The following PREX1 variants were observed in gnomAD, a reference collection of about 807,000 sequenced individuals.
The protein encoded by PREX1 is phosphatidylinositol-3,4,5-trisphosphate dependent Rac exchange factor 1.
A neutral mutation model predicts 198.3 loss-of-function variants in PREX1; 41 were observed. The observed-to-expected ratio is 0.21, with a 90% CI of 0.16 to 0.27. The LOEUF is 0.27. Ranked by LOEUF, PREX1 falls within the 10% of genes least tolerant of loss-of-function variation. PREX1 has a pLI of 1.00. For synonymous variants in PREX1, 843 were observed against 887.2 expected, an observed-to-expected ratio of 0.95 and a Z score of 0.89; for missense variants, 1,620 against 2,200.7, an observed-to-expected ratio of 0.74 and a Z score of 5.28.
the PREX1 span, among the ~76,000 whole-genome samples, chr20:48,887,102 T>C: frequency 2.0e-5 from 3 of 152,302 alleles, no homozygotes; most frequent in South Asian, 6.2e-4. Flanking sequence ...TTGCCCAAAG[T>C]TGCATGATAA....
intron 14 of PREX1, among the ~76,000 whole-genome samples, chr20:48,675,696 T>C (rs2122999988): frequency 6.6e-6 from 1 of 152,268 alleles, no homozygotes; most frequent in East Asian, 1.9e-4. Flanking sequence ...GTGGTGACGG[T>C]TGCACAACAT....
chr20:48,867,965 T>C, the PREX1 span, among the ~76,000 whole-genome samples: 1 of 151,506 alleles, frequency 6.6e-6, no homozygotes, highest in African/African-American at 2.4e-5. Flanking sequence ...CACCTTGGCC[T>C]CCCAAAGTGC....
At chr20:48,754,788 C>T (rs1355267539) in intron 1 of PREX1, among the ~76,000 whole-genome samples, 3 of 151,854 alleles carry the variant, frequency 2.0e-5, no homozygotes, top group East Asian at 1.9e-4. Flanking sequence ...ATCTGGGTGG[C>T]GGGGAGTCGG....
rs148852205 is a variant in PREX1 at position 48,683,406 on chromosome 20, G to A, written c.1335-2071C>T. Among the ~76,000 whole-genome samples the A allele has an allele frequency of 2.6e-3, 399 of 152,364 alleles. 3 individuals are homozygous for A. The highest frequency in any genetic ancestry group is 0.014 in the Middle Eastern group (4 of 294). On this transcript the variant is annotated intron_variant, in intron 10 of 39. Coordinates refer to ENST00000371941, the MANE Select transcript of PREX1 (RefSeq NM_020820.4). ...CACAGCTTGCTGGGCAAAGCTGGGC[G>A]GGTCCCTGTGCCTCTCTGGGCCTCA...
chr20:48,730,426 C>CA (rs2090029814), intron 4 of PREX1, among the ~76,000 whole-genome samples: 2 of 150,926 alleles, frequency 1.3e-5, no homozygotes, highest in Admixed American at 6.7e-5. Flanking sequence ...CACACACACA[C>CA]ACACACACAC....
chr20:48,785,612 G>A (rs2090308524), intron 1 of PREX1, among the ~76,000 whole-genome samples: 1 of 152,204 alleles, frequency 6.6e-6, no homozygotes, highest in Non-Finnish European at 1.5e-5. Context: ...CTGATGTTCG[G>A]ACTCCAGGGA....
At chr20:48,736,986 C>T (rs1666829577) in intron 3 of PREX1, among the ~76,000 whole-genome samples, 1 of 152,074 alleles carries the variant, frequency 6.6e-6, no homozygotes, top group Admixed American at 6.5e-5. Flanking sequence ...GCATTCTCAT[C>T]CATAAAGTAC....
rs745396346 is a variant in PREX1 at position 48,691,122 on chromosome 20, C to A, written c.1037-26G>T. On this transcript the variant is annotated intron_variant, in intron 8 of 39. Coordinates refer to ENST00000371941, the MANE Select transcript of PREX1 (RefSeq NM_020820.4). This position sits in a 1 kb window ranked among gnomAD's most constrained non-coding sequence, Gnocchi z 5.0. ...CTGGTGGGGGCAGGAGGCAAAGGTG[C>A]AGCAGAGACTCAGCCGCGTGACCTT... is the stretch of plus-strand genomic sequence containing the variant. The A allele has an allele frequency of 3.7e-6, 6 of 1,614,016 alleles. No individual in the cohort carries two copies. In the South Asian group the frequency reaches 4.4e-5, roughly 12 times the overall value.
chr20:48,680,907 T>C (rs899619322), intron 11 of PREX1, among the ~76,000 whole-genome samples: 3 of 152,236 alleles, frequency 2.0e-5, no homozygotes, highest in African/African-American at 7.2e-5. Context: ...CCGTTCATTG[T>C]GGTGTGAACA....
intron 5 of PREX1, among the ~76,000 whole-genome samples, chr20:48,723,217 G>A (rs2089993757): frequency 6.6e-6 from 1 of 152,208 alleles, no homozygotes; most frequent in Non-Finnish European, 1.5e-5. Flanking sequence ...TGGGAGTTCA[G>A]CTCAAACAAG....
intron 4 of PREX1, among the ~76,000 whole-genome samples, chr20:48,729,481 C>A (rs1209548992): frequency 3.3e-5 from 5 of 152,150 alleles, no homozygotes; most frequent in African/African-American, 1.2e-4. Flanking sequence ...CCCCAATGCC[C>A]CACCTGGATG....
chr20:48,672,075 GA>G (rs1368178302), intron 14 of PREX1, among the ~76,000 whole-genome samples: 12 of 152,338 alleles, frequency 7.9e-5, no homozygotes, highest in African/African-American at 2.6e-4. Flanking sequence ...CTGGCCACGA[GA>G]AAGCCCCCCG....
chr20:48,753,334 G>A (rs1279827892), intron 1 of PREX1, among the ~76,000 whole-genome samples: 2 of 152,202 alleles, frequency 1.3e-5, no homozygotes, highest in African/African-American at 2.4e-5. Context: ...GTCTCCCGAT[G>A]CCAGGCCAGG....
chr20:48,664,770 C>A (rs200315404), intron 15 of PREX1, among the ~76,000 whole-genome samples: 5 of 151,690 alleles, frequency 3.3e-5, no homozygotes, highest in African/African-American at 1.2e-4. Context: ...CGACTCCAGA[C>A]GGCCTGAATT....
chr20:48,700,680 G>C, intron 7 of PREX1, 73 bp downstream of exon 7: 1 of 1,563,326 alleles, frequency 6.4e-7, no homozygotes, highest in African/African-American at 1.4e-5. Flanking sequence ...CCCAGAGAGG[G>C]AAGTGACAAG....
intron 5 of PREX1, among the ~76,000 whole-genome samples, chr20:48,720,562 T>C (rs1020614834): frequency 2.6e-5 from 4 of 152,188 alleles, no homozygotes; most frequent in African/African-American, 9.7e-5. Flanking sequence ...AGTATTCTAC[T>C]GTGTGAGTCA....
the PREX1 span, among the ~76,000 whole-genome samples, chr20:48,861,158 T>A: frequency 6.6e-6 from 1 of 152,028 alleles, no homozygotes; most frequent in Non-Finnish European, 1.5e-5. Flanking sequence ...AAATAAGCCA[T>A]CTCAGACTTT....
At chr20:48,863,586 CTTTTTTTT>C in the PREX1 span, among the ~76,000 whole-genome samples, 1 of 104,352 alleles carries the variant, frequency 9.6e-6, no homozygotes, top group Non-Finnish European at 1.9e-5. Context: ...TTCATATTGT[CTTTTTTTT>C]TTTTTTTTTT....
At position 48,650,068 on chromosome 20, in the gene PREX1, G is replaced by C. The variant is rs1403067660; in HGVS notation, c.2956C>G (p.Pro986Ala). The C allele has an allele frequency of 4.3e-6, 7 of 1,614,246 alleles. No homozygotes were observed. The highest frequency in any genetic ancestry group is 5.1e-6 in the Non-Finnish European group (6 of 1,180,050). The change falls in exon 24 of 40, where the codon CCC becomes GCC. Residue 986 changes from proline (P) to alanine (A), a missense_variant. This residue lies in a region of PREX1 where 514 missense variants were observed against 611.6 expected (regional missense o/e 0.84). Transcript: ENST00000371941. ...ATGCTGAAGGACCTGCCCACTGAGGGGGTGGTCTTGGGGTAGGACACTTCC... is the reference window on the plus strand; with the variant it reads ...ATGCTGAAGGACCTGCCCACTGAGGCGGTGGTCTTGGGGTAGGACACTTCC... ...LMEVSYPKTTPSVGRSFSIRF... is the reference protein window; with the variant it reads ...LMEVSYPKTTASVGRSFSIRF...
Sources: gnomAD v4.1 joint callset for allele counts (sites outside exome capture counted in the v4.1 genomes callset) on GRCh38, gnomAD v4.1.1 for gene constraint, gnomAD v4.1.1 regional missense constraint, Gnocchi (gnomAD v3.1) non-coding constraint, MANE v1.5 for transcripts, NCBI Gene and HGNC (gene_info 2026-07-23, HGNC 2026-07-21) for gene names.